The following PLCXD2 variants were observed in gnomAD, a reference collection of about 807,000 sequenced individuals.
The protein encoded by PLCXD2 is phosphatidylinositol specific phospholipase C X domain containing 2, also known as PI-PLC X domain-containing protein 2.
PLCXD2 carries 21 observed loss-of-function variants against 28.6 expected under a neutral mutation model. The observed-to-expected ratio is 0.73, with a 90% confidence interval of 0.52 to 1.06. The LOEUF (loss-of-function observed/expected upper bound fraction) is 1.06. Ranked by LOEUF, PLCXD2 falls within the 50% of genes least tolerant of loss-of-function variation. The pLI, the probability that PLCXD2 is intolerant of heterozygous loss-of-function variation, is 0.00. For missense variants in PLCXD2, 369 were observed against 376.7 expected (o/e 0.98, Z 0.17); for synonymous variants, 140 against 150.1 (o/e 0.93, Z 0.49).
chr3:111,721,053 G>C lies in PLCXD2; in HGVS notation c.866+6925G>C, dbSNP rs140505009. 1.0e-3 allele frequency: 386 copies of C among 383,078 alleles called. 4 individuals carry two copies. In the East Asian group the frequency reaches 0.014, roughly 14 times the overall value. 23.7% of individuals were successfully genotyped at this position (383,078 alleles called of 1,614,324 possible). On this transcript the variant is annotated intron_variant, in intron 3 of 4. Transcript: ENST00000477665. ...AGATAAAATTACAGGGCTATTAATT[G>C]CATTTTTCCCAAATGAGACTTTTTT...
At chr3:111,723,244 G>A (rs190347839) in intron 3 of PLCXD2, 1 of 152,246 alleles carries the variant, frequency 6.6e-6, no homozygotes, top group Non-Finnish European at 1.5e-5. Context: ...TTTGAGCCTC[G>A]GCTTTGTCCA....
chr3:111,692,053 T>C (rs905007497), intron 1 of PLCXD2, among the ~76,000 whole-genome samples: 18 of 152,336 alleles, frequency 1.2e-4, no homozygotes, highest in African/African-American at 4.3e-4. Context: ...TCCTTTTTTA[T>C]TTTTTTGAGA....
rs752984974 is a variant in PLCXD2, at chr3:111,707,967, C to G, written c.205C>G (p.Pro69Ala). The G allele has an allele frequency of 2.2e-5, 35 of 1,613,932 alleles. No homozygotes were observed. In the African/African-American group the frequency reaches 4.5e-4, roughly 21 times the overall value. Residue 69 changes from proline (P) to alanine (A), a missense_variant, in exon 2 of 5, where the codon CCA becomes GCA. Transcript: ENST00000477665. ...CAGCTACTGGGTGGATGAAAAGTCC[C>G]CAGTGGGGCCTGACCAAACCCAAGC...
chr3:111,717,801 T>C (rs1490491047), intron 3 of PLCXD2, among the ~76,000 whole-genome samples: 1 of 152,212 alleles, frequency 6.6e-6, no homozygotes, highest in African/African-American at 2.4e-5. Context: ...TCAGTACTAC[T>C]GTGTCCTTGG....
chr3:111,677,479 C>T (rs745989866), intron 1 of PLCXD2: 3 of 152,192 alleles, frequency 2.0e-5, no homozygotes, highest in Non-Finnish European at 2.9e-5. Flanking sequence ...TCATCATCTG[C>T]ATCATAATAG....
intron 1 of PLCXD2, among the ~76,000 whole-genome samples, chr3:111,676,246 G>A (rs903184826): frequency 6.6e-6 from 1 of 152,196 alleles, no homozygotes; most frequent in East Asian, 1.9e-4. Context: ...ATACTGGAAA[G>A]CACTCCTAGA....
intron 2 of PLCXD2, among the ~76,000 whole-genome samples, chr3:111,709,525 G>T (rs547940929): frequency 6.6e-6 from 1 of 152,038 alleles, no homozygotes; most frequent in East Asian, 1.9e-4. Context: ...TAAGAGCTAT[G>T]GAAAACGAAA....
intron 1 of PLCXD2, among the ~76,000 whole-genome samples, chr3:111,685,922 C>T (rs561328555): frequency 6.6e-6 from 1 of 152,166 alleles, no homozygotes; most frequent in Non-Finnish European, 1.5e-5. Context: ...TGCTCCCCCC[C>T]ACAACATGGG....
intron 3 of PLCXD2, chr3:111,720,863 C>G: frequency 7.2e-6 from 3 of 416,840 alleles, no homozygotes; most frequent in Non-Finnish European, 1.3e-5. Flanking sequence ...CAGGAGGACA[C>G]AGCTCTGGCT....
chr3:111,712,493 C>T (rs974899235), intron 2 of PLCXD2, among the ~76,000 whole-genome samples: 1 of 152,184 alleles, frequency 6.6e-6, no homozygotes, highest in Non-Finnish European at 1.5e-5. Flanking sequence ...TGTGATTAAC[C>T]TCATTAACAC....
chr3:111,677,707 C>T (rs772826238), intron 1 of PLCXD2, among the ~76,000 whole-genome samples: 7 of 152,146 alleles, frequency 4.6e-5, no homozygotes, highest in Non-Finnish European at 8.8e-5. Context: ...TGTCTCTGTG[C>T]CCCTGAGGGG....
intron 1 of PLCXD2, among the ~76,000 whole-genome samples, chr3:111,686,432 AC>A (rs1410470613): frequency 6.6e-6 from 1 of 152,266 alleles, no homozygotes; most frequent in East Asian, 1.9e-4. Context: ...TAAATTGGCC[AC>A]ATGGCTCTCT....
chr3:111,721,149 G>A (rs1041568088), intron 3 of PLCXD2: 6 of 231,688 alleles, frequency 2.6e-5, no homozygotes, highest in South Asian at 1.8e-4. Flanking sequence ...GTGGCTTATG[G>A]TGGTGAATGG....
intron 1 of PLCXD2, among the ~76,000 whole-genome samples, chr3:111,690,880 T>C (rs1352117678): frequency 2.0e-5 from 3 of 152,234 alleles, no homozygotes; most frequent in African/African-American, 7.2e-5. Context: ...ACTTTAAATA[T>C]GTTTTTTCAA....
intron 2 of PLCXD2, among the ~76,000 whole-genome samples, chr3:111,709,117 TTTCA>T (rs1362160685): frequency 4.0e-5 from 6 of 151,858 alleles, no homozygotes; most frequent in Non-Finnish European, 8.8e-5. Flanking sequence ...AAGACATACC[TTTCA>T]TTCAAAGTTA....
chr3:111,725,836 T>A (rs1352344863), intron 3 of PLCXD2: 1 of 398,490 alleles, frequency 2.5e-6, no homozygotes, highest in Non-Finnish European at 4.4e-6. Flanking sequence ...TCTGTGTCAT[T>A]CCTTCCCGTC....
At chr3:111,713,116 T>C (rs1380637089) in intron 2 of PLCXD2, among the ~76,000 whole-genome samples, 3 of 152,204 alleles carry the variant, frequency 2.0e-5, no homozygotes, top group African/African-American at 7.2e-5. Context: ...AGTGTTTTTA[T>C]TTCAACTCCA....
chr3:111,713,673 C>T, intron 2 of PLCXD2, among the ~76,000 whole-genome samples: 1 of 152,080 alleles, frequency 6.6e-6, no homozygotes, highest in Non-Finnish European at 1.5e-5. Context: ...GGTATTTATG[C>T]CAACAAAATT....
intron 1 of PLCXD2, among the ~76,000 whole-genome samples, chr3:111,686,225 A>C (rs192301461): frequency 2.2e-3 from 331 of 152,342 alleles, no homozygotes; most frequent in Non-Finnish European, 3.8e-3. Flanking sequence ...TCATCCAGCC[A>C]GTTGCAGGGG....
Sources: gnomAD v4.1 joint callset for allele counts (sites outside exome capture counted in the v4.1 genomes callset) on GRCh38, gnomAD v4.1.1 for gene constraint, MANE v1.5 for transcripts, NCBI Gene and HGNC (gene_info 2026-07-23, HGNC 2026-07-21) for gene names.